Variants in CTDSPL2 observed in about 807,000 individuals in gnomAD.
CTDSPL2 encodes the protein CTD small phosphatase like 2.
CTDSPL2 carries 5 observed loss-of-function variants against 60.0 expected under a neutral mutation model. The ratio of observed to expected loss-of-function variants is 0.08; its 90% CI spans 0.04 to 0.18. The LOEUF is 0.18. Ranked by LOEUF, CTDSPL2 falls within the 10% of genes least tolerant of loss-of-function variation. CTDSPL2 has a pLI of 1.00. For missense variants in CTDSPL2, 370 were observed against 548.8 expected (o/e 0.67, Z 3.26); for synonymous variants, 186 against 189.3 (o/e 0.98, Z 0.14).
chr15:44,448,025 C>T (rs1463159946), intron 1 of CTDSPL2: 2 of 234,180 alleles, frequency 8.5e-6, no homozygotes. Context: ...CCAGTTCCAT[C>T]CGGATGTTCC....
intron 2 of CTDSPL2, 96 bp downstream of exon 2, chr15:44,459,296 G>C (rs2080513296): frequency 2.6e-6 from 2 of 771,252 alleles, no homozygotes; most frequent in South Asian, 4.5e-5. Context: ...GAGAGCCCCA[G>C]GCAGGTGGAT....
intron 2 of CTDSPL2, among the ~76,000 whole-genome samples, chr15:44,463,367 C>A (rs192573085): frequency 6.6e-6 from 1 of 152,064 alleles, no homozygotes; most frequent in Non-Finnish European, 1.5e-5. Context: ...GTCTTGAACT[C>A]CTGACCTCAA....
intron 1 of CTDSPL2, among the ~76,000 whole-genome samples, chr15:44,444,168 G>T (rs2141290972): frequency 6.6e-6 from 1 of 152,108 alleles, no homozygotes; most frequent in East Asian, 1.9e-4. Flanking sequence ...GGGATTATAG[G>T]TGTGAGCCAT....
rs1237132365 is a variant in CTDSPL2 at position 44,526,277 on chromosome 15, G to A, written c.*2103G>A. ...GCGAAACCCAAAACTTAAAAGATCT[G>A]AACTTTCAGCATGCATTCTGATTGC... is the stretch of plus-strand genomic sequence containing the variant. On this transcript the variant is annotated 3_prime_UTR_variant, in exon 13 of 13. Coordinates refer to ENST00000260327, the MANE Select transcript of CTDSPL2 (RefSeq NM_016396.3). 6.6e-6 allele frequency: 1 copy of A among 151,994 alleles called. No homozygotes were observed. Among genetic ancestry groups the A allele is most frequent in the Non-Finnish European group, 1.5e-5 (1 of 67,954 alleles). 9.4% of individuals were successfully genotyped at this position (151,994 alleles called of 1,614,324 possible).
At chr15:44,487,947 C>T (rs981270481) in intron 4 of CTDSPL2, among the ~76,000 whole-genome samples, 2 of 151,770 alleles carry the variant, frequency 1.3e-5, no homozygotes, top group Non-Finnish European at 2.9e-5. Flanking sequence ...AACCATGTCT[C>T]TACTAAAGAA....
At chr15:44,512,171 A>G (rs938141049) in intron 8 of CTDSPL2, among the ~76,000 whole-genome samples, 1 of 152,030 alleles carries the variant, frequency 6.6e-6, no homozygotes, top group Admixed American at 6.6e-5. Context: ...ACTCCAACCT[A>G]GACAACAGAG....
chr15:44,495,932 C>CAAA (rs796221579), intron 5 of CTDSPL2, among the ~76,000 whole-genome samples: 3 of 144,040 alleles, frequency 2.1e-5, no homozygotes, highest in African/African-American at 7.7e-5. Context: ...GACTCCATCT[C>CAAA]AAAAAAAAAA....
chr15:44,478,452 CAAAAAAAAAAAAAAAAAA>C (rs61080056), intron 2 of CTDSPL2, among the ~76,000 whole-genome samples: 7 of 37,994 alleles, frequency 1.8e-4, no homozygotes, highest in Admixed American at 5.1e-4. Context: ...GACTCTGTCT[CAAAAAAAAAAAAAAAAAA>C]AAAAAAAAAA....
intron 1 of CTDSPL2, among the ~76,000 whole-genome samples, chr15:44,446,797 C>T (rs2080227022): frequency 6.8e-6 from 1 of 146,794 alleles, no homozygotes; most frequent in Non-Finnish European, 1.5e-5. Context: ...AGTCTGTTGC[C>T]CAGGCTGGAG....
At chr15:44,515,557 A>G (rs1169741072) in intron 10 of CTDSPL2, among the ~76,000 whole-genome samples, 1 of 152,150 alleles carries the variant, frequency 6.6e-6, no homozygotes, top group Non-Finnish European at 1.5e-5. Context: ...GCTGAGAGAG[A>G]TGACACAAAC....
At chr15:44,477,825 C>G (rs1040732271) in intron 2 of CTDSPL2, among the ~76,000 whole-genome samples, 1 of 150,526 alleles carries the variant, frequency 6.6e-6, no homozygotes, top group Non-Finnish European at 1.5e-5. Flanking sequence ...GCAGCAAGAG[C>G]GAAACGTAGT....
chr15:44,432,704 C>G (rs1244923189), intron 1 of CTDSPL2, among the ~76,000 whole-genome samples: 1 of 152,058 alleles, frequency 6.6e-6, no homozygotes, highest in Admixed American at 6.6e-5. Context: ...AGTGCAACCT[C>G]TGCCTCCCAG....
At chr15:44,503,232 C>T (rs1426100094) in intron 8 of CTDSPL2, among the ~76,000 whole-genome samples, 4 of 151,428 alleles carry the variant, frequency 2.6e-5, no homozygotes, top group African/African-American at 9.7e-5. Context: ...TTTTTTTTTA[C>T]ATTGTTTTAT....
intron 10 of CTDSPL2, 39 bp downstream of exon 10, chr15:44,514,883 C>A: frequency 1.7e-6 from 2 of 1,169,224 alleles, no homozygotes; most frequent in Non-Finnish European, 2.5e-6. Context: ...GTCTGTCACA[C>A]TGATCTATGA....
At chr15:44,428,799 G>T (rs1442338911) in intron 1 of CTDSPL2, among the ~76,000 whole-genome samples, 1 of 152,090 alleles carries the variant, frequency 6.6e-6, no homozygotes, top group Admixed American at 6.6e-5. Context: ...TTAAATTTTC[G>T]TTCCTGGTCC....
chr15:44,486,791 T>C (rs899947709), intron 4 of CTDSPL2, 91 bp downstream of exon 4: 2 of 977,642 alleles, frequency 2.0e-6, no homozygotes, highest in Admixed American at 2.9e-5. Flanking sequence ...AGACGAAGTC[T>C]CTCTTTGTTG....
At chr15:44,452,439 G>T (rs1181025096) in intron 1 of CTDSPL2, among the ~76,000 whole-genome samples, 1 of 151,966 alleles carries the variant, frequency 6.6e-6, no homozygotes, top group African/African-American at 2.4e-5. Context: ...TCTGTTTTGG[G>T]GCATTTTTGT....
At chr15:44,506,811 G>A (rs1295923936) in intron 8 of CTDSPL2, among the ~76,000 whole-genome samples, 1 of 151,916 alleles carries the variant, frequency 6.6e-6, no homozygotes, top group Non-Finnish European at 1.5e-5. Context: ...CTGTCGCCCA[G>A]GCTGGAATGC....
intron 8 of CTDSPL2, among the ~76,000 whole-genome samples, chr15:44,510,944 C>T (rs1025054785): frequency 6.6e-6 from 1 of 152,184 alleles, no homozygotes; most frequent in African/African-American, 2.4e-5. Flanking sequence ...TCACGCTTAC[C>T]TATATCCAAA....
Sources: allele counts gnomAD v4.1 joint callset (sites outside exome capture counted in the v4.1 genomes callset), GRCh38; gene constraint gnomAD v4.1.1; transcripts MANE v1.5; gene names NCBI Gene and HGNC (gene_info 2026-07-23, HGNC 2026-07-21).